The following ADCY3 variants were observed in gnomAD, a reference collection of about 807,000 sequenced individuals.
ADCY3 encodes the protein adenylate cyclase type 3.
A neutral mutation model predicts 119.4 loss-of-function variants in ADCY3; 70 were observed. The observed-to-expected ratio is 0.59, with a 90% CI of 0.48 to 0.72. ADCY3 has a LOEUF of 0.72. ADCY3 is among the 30% of genes least tolerant of loss of function. ADCY3 has a pLI of 0.00. For missense variants in ADCY3, 1,238 were observed against 1,541.6 expected (o/e 0.80, Z 3.30); for synonymous variants, 672 against 621.4 (o/e 1.08, Z -1.21).
At position 24,828,115 on chromosome 2, in the gene ADCY3, C is replaced by A. The variant is rs757843051; in HGVS notation, c.2219G>T (p.Gly740Val). ...CAGGCAGCTGCCCTCCGTTTCCATC[C>A]CTGCCGTTGCATTGCTGGGTCCCGT... Reference protein sequence around the residue: ...YYTGPSNATAGMETEGSCLEN... With the variant: ...YYTGPSNATAVMETEGSCLEN... The change falls in exon 14 of 22, where the codon GGG (glycine) becomes GTG (valine). Residue 740 changes from glycine (G) to valine (V), a missense_variant. Transcript: ENST00000679454. 1.2e-5 allele frequency: 20 copies of A among 1,613,984 alleles called. No homozygotes were observed. The highest frequency in any genetic ancestry group is 5.0e-5 in the Admixed American group (3 of 60,004).
chr2:24,905,377 G>A (rs1368706899), intron 2 of ADCY3, among the ~76,000 whole-genome samples: 1 of 152,070 alleles, frequency 6.6e-6, no homozygotes, highest in Non-Finnish European at 1.5e-5. Context: ...CTCATGATCC[G>A]CCCGCCTCGG....
At chr2:24,891,327 CT>C (rs1179783101) in intron 2 of ADCY3, among the ~76,000 whole-genome samples, 8 of 152,112 alleles carry the variant, frequency 5.3e-5, no homozygotes, top group African/African-American at 1.9e-4. Context: ...GTGATGAACT[CT>C]AGTACAATTT....
intron 2 of ADCY3, among the ~76,000 whole-genome samples, chr2:24,915,124 T>C (rs1281871914): frequency 6.6e-6 from 1 of 152,178 alleles, no homozygotes; most frequent in Non-Finnish European, 1.5e-5. Context: ...GCAATGCTTC[T>C]TCATGCTGCC....
At chr2:24,876,362 C>T (rs764623555) in intron 2 of ADCY3, among the ~76,000 whole-genome samples, 2 of 152,156 alleles carry the variant, frequency 1.3e-5, no homozygotes, top group African/African-American at 2.4e-5. Flanking sequence ...GTGAGCTGCA[C>T]GCATTTTAAA....
At chr2:24,913,690 C>T (rs1368778237) in intron 2 of ADCY3, among the ~76,000 whole-genome samples, 1 of 152,198 alleles carries the variant, frequency 6.6e-6, no homozygotes, top group Non-Finnish European at 1.5e-5. Context: ...TCAGTTTCCT[C>T]TCACCCTCCC....
chr2:24,844,509 G>C (rs1671445649), intron 3 of ADCY3, among the ~76,000 whole-genome samples: 1 of 152,140 alleles, frequency 6.6e-6, no homozygotes, highest in African/African-American at 2.4e-5. Context: ...GCCCGAGAGA[G>C]GCCAGCTCAT....
Position 24,821,974 on chromosome 2 carries a change from T to TA in ADCY3, c.3004-335dup, listed in dbSNP as rs1667798427. ...TTGTTTGGATCCCTCAACTAGGTGATAAGCACTGGAGGGGGATGACCCGCC... is the reference window on the plus strand; with the variant it reads ...TTGTTTGGATCCCTCAACTAGGTGATAAAGCACTGGAGGGGGATGACCCGCC... On this transcript the variant is annotated intron_variant, in intron 19 of 21. Transcript: ENST00000679454. 4 of 283,960 alleles carry TA rather than the reference T, an allele frequency of 1.4e-5. No individual in the cohort carries two copies. The South Asian group carries it at 1.6e-4, about 11-fold the overall frequency. The allele number at this position is 283,960 out of a possible 1,614,324, so 17.6% of individuals were successfully genotyped here. A position where few individuals can be genotyped will look rare whatever the true frequency, so the allele number is the denominator to read the frequency against.
At chr2:24,910,100 G>A (rs940298755) in intron 2 of ADCY3, among the ~76,000 whole-genome samples, 16 of 152,176 alleles carry the variant, frequency 1.1e-4, no homozygotes, top group Admixed American at 3.3e-4. Context: ...ATGAAACAGC[G>A]CAGGTGGACA....
chr2:24,843,579 G>A (rs1488388448), intron 3 of ADCY3, among the ~76,000 whole-genome samples: 1 of 152,270 alleles, frequency 6.6e-6, no homozygotes, highest in African/African-American at 2.4e-5. Flanking sequence ...AGATGCGACA[G>A]AGACCGTATG....
At chr2:24,865,489 CTG>C (rs3222240) in intron 3 of ADCY3, among the ~76,000 whole-genome samples, 15,749 of 140,164 alleles carry the variant, frequency 0.11, 864 homozygotes, top group East Asian at 0.14. Flanking sequence ...AGGCTATCAT[CTG>C]TGTGTGTGTG....
At chr2:24,883,345 C>G (rs1676639524) in intron 2 of ADCY3, among the ~76,000 whole-genome samples, 1 of 109,174 alleles carries the variant, frequency 9.2e-6, no homozygotes, top group Admixed American at 7.7e-5. Flanking sequence ...GAGACTCTGT[C>G]TCAAAAAAAA....
intron 14 of ADCY3, 127 bp downstream of exon 14, chr2:24,827,775 T>C: frequency 2.7e-6 from 4 of 1,483,042 alleles, no homozygotes; most frequent in Non-Finnish European, 3.7e-6. Context: ...GAACTGGTTC[T>C]TGAACAAGCC....
chr2:24,911,637 C>CAA (rs60134317), intron 2 of ADCY3, among the ~76,000 whole-genome samples: 2 of 106,156 alleles, frequency 1.9e-5, no homozygotes, highest in Non-Finnish European at 4.0e-5. Flanking sequence ...GAGACAGACT[C>CAA]AAAAAAAAAA....
chr2:24,904,319 C>T (rs1224650060), intron 2 of ADCY3, among the ~76,000 whole-genome samples: 2 of 152,026 alleles, frequency 1.3e-5, no homozygotes, highest in Admixed American at 1.3e-4. Context: ...AACTTGAGAT[C>T]AGGAGTTTGA....
Position 24,918,267 on chromosome 2 carries a change from G to C in ADCY3, c.675+46C>G, listed in dbSNP as rs1664699706. 6.6e-7 allele frequency: 1 copy of C among 1,512,112 alleles called. No homozygotes were observed. The highest frequency in any genetic ancestry group is 8.8e-7 in the Non-Finnish European group (1 of 1,132,014). 93.7% of individuals were successfully genotyped at this position (1,512,112 alleles called of 1,614,324 possible). A position where few individuals can be genotyped will look rare whatever the true frequency, so the allele number is the denominator to read the frequency against. On this transcript the variant is annotated intron_variant, in intron 2 of 21. Coordinates refer to ENST00000679454, the MANE Select transcript of ADCY3 (RefSeq NM_004036.5). The surrounding 1 kb of genome is among the most constrained non-coding windows in gnomAD (Gnocchi z 5.4). ...ACTCCAACAGGTCCCAAGTTGGTGA[G>C]AGCTGCAGGAGAGGACGCTGTGGGG...
chr2:24,822,873 CGT>C (rs1558398887), intron 18 of ADCY3, among the ~76,000 whole-genome samples: 3 of 152,162 alleles, frequency 2.0e-5, no homozygotes, highest in African/African-American at 7.2e-5. Context: ...GGGCTCCGCG[CGT>C]GTGTAAAAGC....
In ADCY3 at chr2:24,897,084, G is replaced by T. The variant is rs139585330; in HGVS notation, c.675+21229C>A. ...GAAGCAGAAGTCTCATCATCTTTTC[G>T]CAAGATGACATCATGGTAGATCAGA... On this transcript the variant is annotated intron_variant, in intron 2 of 21. Transcript: ENST00000679454. Among the ~76,000 whole-genome samples the T allele has an allele frequency of 4.6e-5, 7 of 152,054 alleles. 1 individual carries two copies. The East Asian group carries it at 1.4e-3, about 29-fold the overall frequency.
In ADCY3 at chr2:24,827,564, C is replaced by CCAGGGTTGAATGGCAGGGTTGAATG; in HGVS notation, c.2476_2477insCATTCAACCCTGCCATTCAACCCTG (p.Gly826AlafsTer14). ...CCCTTACCTGTCAGTGCCATTGAGCCCAGGGTTGAATCCTTGCATCTGCTC... is the reference window on the plus strand; with the variant it reads ...CCCTTACCTGTCAGTGCCATTGAGCCCAGGGTTGAATGGCAGGGTTGAATGCAGGGTTGAATCCTTGCATCTGCTC... On this transcript the variant is annotated frameshift_variant, in exon 15 of 22. Transcript: ENST00000679454. LOFTEE classifies it high-confidence loss of function. 6.3e-7 allele frequency: 1 copy of CCAGGGTTGAATGGCAGGGTTGAATG among 1,589,142 alleles called. No homozygotes were observed. Among genetic ancestry groups the CCAGGGTTGAATGGCAGGGTTGAATG allele is most frequent in the Non-Finnish European group, 8.6e-7 (1 of 1,164,846 alleles).
Position 24,919,020 on chromosome 2 carries a change from G to A in ADCY3, c.-33C>T. 1 of 1,516,464 alleles carries A rather than the reference G, an allele frequency of 6.6e-7. No homozygotes were observed. The highest frequency in any genetic ancestry group is 2.5e-5 in the East Asian group (1 of 40,752). The allele number at this position is 1,516,464 out of a possible 1,614,324, so 93.9% of individuals were successfully genotyped here. The stretch of plus-strand genomic sequence containing the variant: ...GGTGTCTGCTACTGGCCCTAGAGAA[G>A]TGGACTGGGAACGGAGGAAGAGCTC... On this transcript the variant is annotated 5_prime_UTR_variant, in exon 2 of 22. Coordinates refer to ENST00000679454, the MANE Select transcript of ADCY3 (RefSeq NM_004036.5). The surrounding 1 kb of genome is among the most constrained non-coding windows in gnomAD (Gnocchi z 5.5).
Sources: allele counts gnomAD v4.1 joint callset (sites outside exome capture counted in the v4.1 genomes callset), GRCh38; gene constraint gnomAD v4.1.1; non-coding constraint Gnocchi (gnomAD v3.1); transcripts MANE v1.5; gene names NCBI Gene and HGNC (gene_info 2026-07-23, HGNC 2026-07-21).